GAS2: variants seen among roughly 807,000 people sequenced by gnomAD.
The protein encoded by GAS2 is growth arrest-specific protein 2.
A neutral mutation model predicts 37.5 loss-of-function variants in GAS2; 20 were observed. The observed-to-expected ratio is 0.53, with a 90% confidence interval of 0.37 to 0.77. GAS2 has a LOEUF of 0.77. Ranked by LOEUF, GAS2 falls within the 30% of genes least tolerant of loss-of-function variation. GAS2 has a pLI of 0.00. For synonymous variants in GAS2, 144 were observed against 132.2 expected, an observed-to-expected ratio of 1.09 and a Z score of -0.61; for missense variants, 336 against 373.4, an observed-to-expected ratio of 0.90 and a Z score of 0.82.
In GAS2 at chr11:22,812,043, C is replaced by G; in HGVS notation, c.*27C>G. ...ACAAATTGGTCATGACAAGGGGACCCTCATAATGGCCTGTATCCACTTCTC... is the reference window on the plus strand; with the variant it reads ...ACAAATTGGTCATGACAAGGGGACCGTCATAATGGCCTGTATCCACTTCTC... On this transcript the variant is annotated 3_prime_UTR_variant, in exon 8 of 8. Coordinates refer to ENST00000454584, the MANE Select transcript of GAS2 (RefSeq NM_001143830.3). 6.6e-7 allele frequency: 1 copy of G among 1,522,186 alleles called. No homozygotes were observed. Among genetic ancestry groups the G allele is most frequent in the East Asian group, 2.3e-5 (1 of 44,390 alleles). 94.3% of individuals were successfully genotyped at this position (1,522,186 alleles called of 1,614,324 possible).
intron 1 of GAS2, among the ~76,000 whole-genome samples, chr11:22,648,017 G>C (rs886285851): frequency 7.9e-5 from 12 of 152,154 alleles, no homozygotes; most frequent in Non-Finnish European, 1.6e-4. Flanking sequence ...GTCCTGAATG[G>C]TAATGCCTAG....
At position 22,659,340 on chromosome 11, in the gene GAS2, G is replaced by A. The variant is rs184863935; in HGVS notation, c.-20-15510G>A. On this transcript the variant is annotated intron_variant, in intron 1 of 5. Transcript: ENST00000528582. The stretch of plus-strand genomic sequence containing the variant: ...TCAGCTTATTATTAAAAATAAAAAT[G>A]CAACCCCTCCCCTTTAAGAGGCACT... 1.1e-4 allele frequency among the ~76,000 whole-genome samples: 16 copies of A among 152,188 alleles called. No individual in the cohort carries two copies. In the East Asian group the frequency reaches 3.1e-3, roughly 29 times the overall value.
intron 7 of GAS2, among the ~76,000 whole-genome samples, chr11:22,789,810 A>C (rs768660603): frequency 2.0e-5 from 3 of 152,066 alleles, no homozygotes; most frequent in African/African-American, 7.2e-5. Context: ...CAGAAAAGAA[A>C]TATATATCTC....
At chr11:22,636,171 C>T (rs1253462162) in intron 1 of GAS2, among the ~76,000 whole-genome samples, 2 of 152,058 alleles carry the variant, frequency 1.3e-5, no homozygotes, top group Admixed American at 6.6e-5. Context: ...GAGAAAAGTT[C>T]ACAGCATGAA....
intron 1 of GAS2, among the ~76,000 whole-genome samples, chr11:22,669,098 G>A (rs1849101187): frequency 6.6e-6 from 1 of 152,168 alleles, no homozygotes; most frequent in African/African-American, 2.4e-5. Flanking sequence ...TGTCACATAT[G>A]TGTATATATT....
chr11:22,631,515 A>C (rs1858744604), intron 1 of GAS2, among the ~76,000 whole-genome samples: 1 of 152,014 alleles, frequency 6.6e-6, no homozygotes, highest in African/African-American at 2.4e-5. Context: ...TAGTTTGTTG[A>C]GGTTTATGTC....
intron 3 of GAS2, chr11:22,688,544 T>G (rs1290810968): frequency 6.6e-6 from 1 of 152,160 alleles, no homozygotes; most frequent in African/African-American, 2.4e-5. Flanking sequence ...ATTGAGAATA[T>G]TTATTGATCA....
chr11:22,653,059 TTTC>T (rs1479162402), intron 1 of GAS2, among the ~76,000 whole-genome samples: 8 of 148,224 alleles, frequency 5.4e-5, no homozygotes, highest in African/African-American at 2.0e-4. Context: ...CTTTGCTTTC[TTTC>T]TTTTTTGCTT....
rs74325220 is a variant in GAS2 at position 22,801,494 on chromosome 11, G to C, written c.724-10304G>C. On this transcript the variant is annotated intron_variant, in intron 7 of 7. Coordinates refer to ENST00000454584, the MANE Select transcript of GAS2 (RefSeq NM_001143830.3). The stretch of plus-strand genomic sequence containing the variant: ...AATGTTAGGAAAATAAAATTAAAAG[G>C]TCTCAAAAATGTGTATTCAATTCAG... Among the ~76,000 whole-genome samples, 384 of 151,722 alleles carry C rather than the reference G, an allele frequency of 2.5e-3. 4 individuals carry two copies. The East Asian group carries it at 0.031, about 12-fold the overall frequency.
chr11:22,703,911 T>C (rs1850971719), intron 3 of GAS2, among the ~76,000 whole-genome samples: 1 of 152,138 alleles, frequency 6.6e-6, no homozygotes, highest in South Asian at 2.1e-4. Context: ...GTAGGCTGCT[T>C]GTCTAACAGA....
chr11:22,649,490 T>A lies in GAS2; in HGVS notation c.-21+23677T>A, dbSNP rs571131870. Among the ~76,000 whole-genome samples, 795 of 152,144 alleles carry A rather than the reference T, an allele frequency of 5.2e-3. 7 individuals carry two copies. Among genetic ancestry groups the A allele is most frequent in the African/African-American group, 0.018 (761 of 41,552 alleles). Reference sequence around the variant, plus strand: ...TTGATTGGAATAGTTTCAGAAGGAATGGTACCAGTTCCTCCTTGTACCTCT... The same window carrying A: ...TTGATTGGAATAGTTTCAGAAGGAAAGGTACCAGTTCCTCCTTGTACCTCT... On this transcript the variant is annotated intron_variant, in intron 1 of 5. Coordinates refer to the GAS2 transcript ENST00000528582.
intron 7 of GAS2, among the ~76,000 whole-genome samples, chr11:22,790,625 A>G (rs1334874293): frequency 7.3e-6 from 1 of 136,654 alleles, no homozygotes; most frequent in African/African-American, 2.8e-5. Context: ...AGTCTCGCTC[A>G]GTCACCAGGT....
At chr11:22,653,969 G>A (rs2133837091) in intron 1 of GAS2, among the ~76,000 whole-genome samples, 1 of 152,258 alleles carries the variant, frequency 6.6e-6, no homozygotes, top group East Asian at 1.9e-4. Context: ...CAAGTCACAT[G>A]GAGAAGGCTC....
chr11:22,785,408 C>T (rs1855773881), intron 7 of GAS2, among the ~76,000 whole-genome samples: 1 of 152,270 alleles, frequency 6.6e-6, no homozygotes, highest in South Asian at 2.1e-4. Flanking sequence ...GGACTCTTGA[C>T]ACATTCTTAC....
chr11:22,672,949 C>T (rs746204330), intron 1 of GAS2, among the ~76,000 whole-genome samples: 1 of 151,588 alleles, frequency 6.6e-6, no homozygotes, highest in Admixed American at 6.6e-5. Flanking sequence ...GTTCTGATTC[C>T]CATAATGACA....
chr11:22,701,337 A>G (rs893868848), intron 3 of GAS2, among the ~76,000 whole-genome samples: 4 of 152,134 alleles, frequency 2.6e-5, no homozygotes, highest in African/African-American at 7.2e-5. Context: ...TAGTTTGAGT[A>G]TATGTTAGCA....
intron 7 of GAS2, among the ~76,000 whole-genome samples, chr11:22,802,508 T>TC (rs1054274188): frequency 6.6e-6 from 1 of 151,712 alleles, no homozygotes; most frequent in African/African-American, 2.4e-5. Context: ...GTCTTTTTTT[T>TC]CCCCCTTCAG....
Position 22,812,385 on chromosome 11 carries a change from G to T in GAS2, c.*369G>T. The T allele has an allele frequency of 6.5e-6, 1 of 154,206 alleles. No individual in the cohort carries two copies. Among genetic ancestry groups the T allele is most frequent in the Admixed American group, 6.5e-5 (1 of 15,374 alleles). 9.6% of individuals were successfully genotyped at this position (154,206 alleles called of 1,614,324 possible). A position where few individuals can be genotyped will look rare whatever the true frequency, so the allele number is the denominator to read the frequency against. On this transcript the variant is annotated 3_prime_UTR_variant, in exon 8 of 8. Coordinates refer to ENST00000454584, the MANE Select transcript of GAS2 (RefSeq NM_001143830.3). ...GAAAGTGCCTGCTTTACACTCATGA[G>T]TAAAAGCACTCCAGACATTTTTATA...
At chr11:22,695,513 G>A (rs528836878) in intron 3 of GAS2, among the ~76,000 whole-genome samples, 1 of 152,094 alleles carries the variant, frequency 6.6e-6, no homozygotes, top group South Asian at 2.1e-4. Flanking sequence ...TACCCAACCT[G>A]CTCATTCTTT....
Sources: allele counts gnomAD v4.1 joint callset (sites outside exome capture counted in the v4.1 genomes callset), GRCh38; gene constraint gnomAD v4.1.1; transcripts MANE v1.5; gene names NCBI Gene and HGNC (gene_info 2026-07-23, HGNC 2026-07-21).